The following CHN2 variants were observed in gnomAD, a reference collection of about 807,000 sequenced individuals.
CHN2 encodes chimerin 2, also known as beta-chimaerin.
Under a neutral mutation model 56.3 loss-of-function variants are expected in CHN2, and 35 were observed. That is an observed-to-expected ratio of 0.62 (90% CI 0.47 to 0.82). The LOEUF is 0.82. Among genes scored for constraint, CHN2 ranks in the 40% least tolerant of loss-of-function variants. The pLI is 0.00. For missense variants in CHN2, 491 were observed against 580.5 expected (o/e 0.85, Z 1.58); for synonymous variants, 210 against 212.8 (o/e 0.99, Z 0.12).
At chr7:29,382,951 G>C (rs2128060418) in intron 3 of CHN2, among the ~76,000 whole-genome samples, 1 of 152,256 alleles carries the variant, frequency 6.6e-6, no homozygotes, top group East Asian at 1.9e-4. Flanking sequence ...TGAGGGGTGA[G>C]GATGTCGTGG....
chr7:29,354,453 T>C lies in CHN2; in HGVS notation c.50-172T>C, dbSNP rs367888358. On this transcript the variant is annotated intron_variant, in intron 1 of 12. Transcript: ENST00000222792. ...AAAGTGGTGCTGAGTCCACAAGGTT[T>C]CCATGCACATCCCCTCCCCTGTGTC... Among the ~76,000 whole-genome samples the C allele has an allele frequency of 1.6e-4, 24 of 152,302 alleles. No homozygotes were observed. In the South Asian group the frequency reaches 2.7e-3, roughly 17 times the overall value.
intron 7 of CHN2, among the ~76,000 whole-genome samples, chr7:29,490,651 G>T (rs1191942809): frequency 1.3e-5 from 2 of 152,186 alleles, no homozygotes; most frequent in Non-Finnish European, 2.9e-5. Context: ...AATTTGTAAT[G>T]CCACTTCTGA....
chr7:29,189,801 A>G (rs1782653775), upstream of CHN2, among the ~76,000 whole-genome samples: 1 of 152,178 alleles, frequency 6.6e-6, no homozygotes, highest in Non-Finnish European at 1.5e-5. Flanking sequence ...TAAGTGGCCA[A>G]ATAGGATACT....
At chr7:29,421,145 A>C (rs1056025207) in intron 6 of CHN2, among the ~76,000 whole-genome samples, 1 of 152,114 alleles carries the variant, frequency 6.6e-6, no homozygotes, top group Non-Finnish European at 1.5e-5. Flanking sequence ...CAATCTAGAG[A>C]AGCAGATAGT....
At chr7:29,402,687 A>G (rs1802312581) in intron 6 of CHN2, among the ~76,000 whole-genome samples, 1 of 152,196 alleles carries the variant, frequency 6.6e-6, no homozygotes, top group African/African-American at 2.4e-5. Flanking sequence ...CAAGGAAAAG[A>G]GGAGAGCAGG....
chr7:29,233,859 A>G (rs1352662577), intron 1 of CHN2, among the ~76,000 whole-genome samples: 2 of 42,492 alleles, frequency 4.7e-5, no homozygotes, highest in Non-Finnish European at 9.0e-5. Flanking sequence ...TTTGAGATGG[A>G]GTCTCGCTCT....
intron 6 of CHN2, among the ~76,000 whole-genome samples, chr7:29,472,378 G>T (rs1786176582): frequency 6.7e-6 from 1 of 148,922 alleles, no homozygotes; most frequent in East Asian, 2.0e-4. Flanking sequence ...AAGTATTTTA[G>T]TGTGACCCAC....
intron 7 of CHN2, among the ~76,000 whole-genome samples, chr7:29,493,601 G>A (rs547663334): frequency 5.3e-5 from 8 of 152,092 alleles, no homozygotes; most frequent in South Asian, 2.1e-4. Context: ...TCCCATCTCA[G>A]CAAATGGTAT....
At chr7:29,423,822 T>C (rs935211414) in intron 6 of CHN2, among the ~76,000 whole-genome samples, 13 of 152,218 alleles carry the variant, frequency 8.5e-5, no homozygotes, top group Non-Finnish European at 1.8e-4. Flanking sequence ...CCAGAATCCA[T>C]TGAAACATCC....
intron 1 of CHN2, among the ~76,000 whole-genome samples, chr7:29,237,032 T>C (rs1787246172): frequency 6.6e-6 from 1 of 152,192 alleles, no homozygotes; most frequent in African/African-American, 2.4e-5. Context: ...ACATCTTTAG[T>C]GCCATTATTC....
At chr7:29,165,753 A>T (rs929335539) in intron 2 of CHN2, among the ~76,000 whole-genome samples, 1 of 152,104 alleles carries the variant, frequency 6.6e-6, no homozygotes, top group Middle Eastern at 3.2e-3. Flanking sequence ...TCATGAATAG[A>T]TGTTGAATTT....
At chr7:29,508,882 A>AG (rs1172511527) in intron 11 of CHN2, among the ~76,000 whole-genome samples, 1 of 152,150 alleles carries the variant, frequency 6.6e-6, no homozygotes, top group Non-Finnish European at 1.5e-5. Context: ...GAAGTCCGCC[A>AG]GGGAAAGACT....
chr7:29,345,494 G>A (rs10231340), intron 1 of CHN2, among the ~76,000 whole-genome samples: 38,106 of 151,952 alleles, frequency 0.25, 5,110 homozygotes, highest in Non-Finnish European at 0.3. Flanking sequence ...GTGTGCACGC[G>A]AGAGGGAAGA....
At chr7:29,217,863 G>A (rs1057476122) in intron 1 of CHN2, among the ~76,000 whole-genome samples, 9 of 152,046 alleles carry the variant, frequency 5.9e-5, no homozygotes, top group African/African-American at 1.4e-4. Flanking sequence ...ATGCTTATGC[G>A]CAAAGACATG....
At chr7:29,437,597 C>CAAAAAAAAAAAAAAAAAAAAAAAAA (rs11436612) in intron 6 of CHN2, among the ~76,000 whole-genome samples, 1 of 52,606 alleles carries the variant, frequency 1.9e-5, no homozygotes, top group Non-Finnish European at 3.7e-5. Context: ...GACTCCGTCT[C>CAAAAAAAAAAAAAAAAAAAAAAAAA]AAAAAAAAAA....
chr7:29,452,839 A>T (rs1428538333), intron 6 of CHN2, among the ~76,000 whole-genome samples: 1 of 152,224 alleles, frequency 6.6e-6, no homozygotes, highest in Non-Finnish European at 1.5e-5. Context: ...GTGGCATGGT[A>T]GCAAGTGAGG....
intron 1 of CHN2, among the ~76,000 whole-genome samples, chr7:29,225,412 T>C (rs1408555518): frequency 6.6e-6 from 1 of 152,140 alleles, no homozygotes; most frequent in Non-Finnish European, 1.5e-5. Context: ...AACAATATCA[T>C]ATACAGTGAT....
intron 6 of CHN2, among the ~76,000 whole-genome samples, chr7:29,406,206 CTG>C (rs929012229): frequency 1.3e-5 from 2 of 152,132 alleles, no homozygotes; most frequent in Non-Finnish European, 2.9e-5. Context: ...AAGCCTGAGA[CTG>C]GGGTTTGGTA....
At chr7:29,336,671 G>A (rs1342470665) in intron 1 of CHN2, among the ~76,000 whole-genome samples, 1 of 146,562 alleles carries the variant, frequency 6.8e-6, no homozygotes, top group Non-Finnish European at 1.5e-5. Context: ...GAGGCAGAAG[G>A]ATCTCTATAG....
Sources: gnomAD v4.1 joint callset for allele counts (sites outside exome capture counted in the v4.1 genomes callset) on GRCh38, gnomAD v4.1.1 for gene constraint, MANE v1.5 for transcripts, NCBI Gene and HGNC (gene_info 2026-07-23, HGNC 2026-07-21) for gene names.